Variants in C5orf15 observed in about 807,000 individuals in gnomAD.
C5orf15 encodes the protein chromosome 5 open reading frame 15.
Under a neutral mutation model 17.8 loss-of-function variants are expected in C5orf15, and 10 were observed. The ratio of observed to expected loss-of-function variants is 0.56; its 90% CI spans 0.35 to 0.95. C5orf15 has a LOEUF of 0.95. Ranked by LOEUF, C5orf15 falls within the 40% of genes least tolerant of loss-of-function variation. The pLI is 0.02. For missense variants in C5orf15, 319 were observed against 331.7 expected, an observed-to-expected ratio of 0.96 and a Z score of 0.30; for synonymous variants, 124 against 131.0, an observed-to-expected ratio of 0.95 and a Z score of 0.36.
chr5:133,958,023 A>AAATTT (rs890460023), intron 2 of C5orf15, among the ~76,000 whole-genome samples: 3 of 151,970 alleles, frequency 2.0e-5, no homozygotes, highest in Admixed American at 1.3e-4. Flanking sequence ...AATCCAGCAA[A>AAATTT]CTGGTAACAG....
At chr5:133,967,214 T>C (rs901308411) in intron 1 of C5orf15, among the ~76,000 whole-genome samples, 81 of 152,328 alleles carry the variant, frequency 5.3e-4, no homozygotes, top group Middle Eastern at 3.4e-3. Context: ...ATTTCACTAA[T>C]GATAAAAGGG....
At chr5:133,961,323 A>C (rs2126877338) in intron 1 of C5orf15, among the ~76,000 whole-genome samples, 1 of 150,772 alleles carries the variant, frequency 6.6e-6, no homozygotes, top group South Asian at 2.1e-4. Flanking sequence ...AGGCAGGCTG[A>C]ACATGAGGTC....
At chr5:133,964,164 C>T (rs1431176959) in intron 1 of C5orf15, among the ~76,000 whole-genome samples, 3 of 152,068 alleles carry the variant, frequency 2.0e-5, no homozygotes, top group African/African-American at 4.8e-5. Flanking sequence ...TTGCAGTGAG[C>T]CGAGATCGTG....
In C5orf15 at chr5:133,968,609, C is replaced by A. The variant is rs1439085996; in HGVS notation, c.-25G>T. On this transcript the variant is annotated 5_prime_UTR_variant, in exon 1 of 3. Coordinates refer to ENST00000231512, the MANE Select transcript of C5orf15 (RefSeq NM_020199.3). ...TAACGGACTCGGCTGGGAGCCTGCG[C>A]TGTTGCTAGGCTCTACGCCATGAGG... is the stretch of plus-strand genomic sequence containing the variant. 1.3e-6 allele frequency: 2 copies of A among 1,592,056 alleles called. No homozygotes were observed. Among genetic ancestry groups the A allele is most frequent in the Non-Finnish European group, 1.7e-6 (2 of 1,169,880 alleles).
chr5:133,967,329 C>A (rs1752210478), intron 1 of C5orf15: 1 of 152,166 alleles, frequency 6.6e-6, no homozygotes, highest in Admixed American at 6.5e-5. Flanking sequence ...AAGTATGTAC[C>A]CACAGTACTG....
chr5:133,956,968 C>T lies in C5orf15; in HGVS notation c.689G>A (p.Arg230Lys). 6.2e-7 allele frequency: 1 copy of T among 1,610,074 alleles called. No individual in the cohort carries two copies. Among genetic ancestry groups the T allele is most frequent in the Non-Finnish European group, 8.5e-7 (1 of 1,178,932 alleles). ...GGAACAAAGGCCATCACGCCATTTC[C>T]TGCTTTGAACCAGAAGAAAAATCTG... ...KRKIFLLVQSRKWRDGLCSKT... is the reference protein window; with the variant it reads ...KRKIFLLVQSKKWRDGLCSKT... Residue 230 changes from arginine to lysine, a missense_variant, in exon 3 of 3, where the codon AGG (arginine) becomes AAG (lysine). Arg to Lys is a conservative substitution (Grantham distance 26). Coordinates refer to ENST00000231512, the MANE Select transcript of C5orf15 (RefSeq NM_020199.3).
intron 1 of C5orf15, among the ~76,000 whole-genome samples, chr5:133,966,935 T>C (rs1752200834): frequency 6.6e-6 from 1 of 152,204 alleles, no homozygotes; most frequent in African/African-American, 2.4e-5. Context: ...AAAATATTTA[T>C]AGGGCTCTAA....
In C5orf15 at chr5:133,968,523, G is replaced by C. The variant is rs1752229802; in HGVS notation, c.62C>G (p.Ser21Trp). 6.2e-7 allele frequency: 1 copy of C among 1,607,912 alleles called. No individual in the cohort carries two copies. The highest frequency in any genetic ancestry group is 2.2e-5 in the East Asian group (1 of 44,718). The part of the protein sequence containing the change: ...GPAQAKLLPG[S>W]AIQALVGLAR... ...CAACCCCACAAGGGCTTGGATGGCC[G>C]ACCCGGGCAGCAGTTTCGCTTGTGC... Residue 21 changes from serine (S) to tryptophan (W), a missense_variant, in exon 1 of 3, where the codon TCG (serine) becomes TGG (tryptophan). Coordinates refer to ENST00000231512, the MANE Select transcript of C5orf15 (RefSeq NM_020199.3).
At chr5:133,968,162 A>C (rs1447303531) in intron 1 of C5orf15, among the ~76,000 whole-genome samples, 5 of 148,928 alleles carry the variant, frequency 3.4e-5, no homozygotes, top group Non-Finnish European at 7.5e-5. Flanking sequence ...CTAGGCGCTA[A>C]CACCACTCCT....
intron 1 of C5orf15, 80 bp from the exon 2 acceptor site, chr5:133,960,100 C>T (rs1322864965): frequency 1.6e-6 from 2 of 1,240,174 alleles, no homozygotes; most frequent in Non-Finnish European, 1.1e-6. Flanking sequence ...CCAAATTTTA[C>T]ACTAAGCATT....
In C5orf15 at chr5:133,959,780, T is replaced by C. The variant is rs538965604; in HGVS notation, c.380A>G (p.Glu127Gly). ...DNNEDPSIEE[E>G]DLLMLNSSPS... ...AGAACTGTTCAGCATGAGAAGATCC[T>C]CCTCCTCTATACTAGGATCTTCATT... Residue 127 changes from glutamate to glycine, a missense_variant, in exon 2 of 3, where the codon GAG (glutamate) becomes GGG (glycine). Around this residue, in one of 3 missense-constraint regions of C5orf15, gnomAD observed 175 missense variants for 192.4 expected, o/e 0.91. Transcript: ENST00000231512. 2.1e-5 allele frequency: 34 copies of C among 1,614,130 alleles called. No individual in the cohort carries two copies. The South Asian group carries it at 3.4e-4, about 16-fold the overall frequency.
At chr5:133,966,963 T>C (rs908441504) in intron 1 of C5orf15, among the ~76,000 whole-genome samples, 1 of 152,226 alleles carries the variant, frequency 6.6e-6, no homozygotes, top group African/African-American at 2.4e-5. Context: ...AAGCAGAGAC[T>C]AAAGGACACT....
At position 133,968,574 on chromosome 5, in the gene C5orf15, G is replaced by A. The variant is rs1752231650; in HGVS notation, c.11C>T (p.Ala4Val). 2 of 1,608,864 alleles carry A rather than the reference G, an allele frequency of 1.2e-6. No homozygotes were observed. Among genetic ancestry groups the A allele is most frequent in the Admixed American group, 1.7e-5 (1 of 59,582 alleles). The change falls in exon 1 of 3, where the codon GCC becomes GTC. Residue 4 changes from alanine to valine, a missense_variant. Ala to Val is a moderately conservative substitution (Grantham distance 64, BLOSUM62 0). This residue lies in a region of C5orf15 where 127 missense variants were observed against 95.6 expected (regional missense o/e 1.33). Coordinates refer to ENST00000231512, the MANE Select transcript of C5orf15 (RefSeq NM_020199.3). MAA[A>V]VPKRMRGPAQ... ...TGGCCCCCTCATCCTCTTCGGGACG[G>A]CAGCGGCCATAACGGACTCGGCTGG...
chr5:133,958,575 T>TAA (rs1752070171), intron 2 of C5orf15, among the ~76,000 whole-genome samples: 1 of 18,250 alleles, frequency 5.5e-5, no homozygotes. Context: ...AAGCTCTGTC[T>TAA]CAAAAAAAAA....
In C5orf15 at chr5:133,959,526, C is replaced by G. The variant is rs1218612045; in HGVS notation, c.634G>C (p.Val212Leu). The G allele has an allele frequency of 6.4e-7, 1 of 1,562,436 alleles. No individual in the cohort carries two copies. The highest frequency in any genetic ancestry group is 1.2e-5 in the South Asian group (1 of 84,216). The change falls in exon 2 of 3, where the codon GTT (valine) becomes CTT (leucine). Residue 212 changes from valine to leucine, a missense_variant. Physicochemically the swap from Val to Leu is conservative, Grantham distance 32. Around this residue, in one of 3 missense-constraint regions of C5orf15, gnomAD observed 175 missense variants for 192.4 expected, o/e 0.91. Transcript: ENST00000231512. ...TTGTTGTGATATGTAATGTAAACAA[C>G]AGCAATGCAAAAAGCAAAAATAATA... ...HLIIFAFCIA[V>L]VYITYHNKRK... is the part of the protein sequence containing the mutation.
At chr5:133,968,397 G>C in intron 1 of C5orf15, 49 bp downstream of exon 1, 1 of 1,581,346 alleles carries the variant, frequency 6.3e-7, no homozygotes, top group Non-Finnish European at 8.6e-7. Context: ...CCTGCCCTGC[G>C]CCCGAGCCCT....
Position 133,956,494 on chromosome 5 carries a change from G to T in C5orf15, c.*365C>A. 6.3e-6 allele frequency: 1 copy of T among 157,952 alleles called. No homozygotes were observed. The allele number at this position is 157,952 out of a possible 1,614,324, so 9.8% of individuals were successfully genotyped here. ...TGTGGATAAAAAATAGTATTTGAAT[G>T]GCGGAGAATGAATGTGAGTCAGCAG... is the stretch of plus-strand genomic sequence containing the variant. On this transcript the variant is annotated 3_prime_UTR_variant, in exon 3 of 3. Transcript: ENST00000231512.
At chr5:133,958,335 G>C (rs1425028324) in intron 2 of C5orf15, among the ~76,000 whole-genome samples, 2 of 152,058 alleles carry the variant, frequency 1.3e-5, no homozygotes, top group South Asian at 4.1e-4. Context: ...CCAGCGTTTT[G>C]GGAGGCTGAA....
chr5:133,962,140 G>A (rs1752133201), intron 1 of C5orf15, among the ~76,000 whole-genome samples: 1 of 152,006 alleles, frequency 6.6e-6, no homozygotes, highest in Admixed American at 6.5e-5. Flanking sequence ...GAAATAAGTG[G>A]GAGCCAACTA....
Sources: gnomAD v4.1 joint callset for allele counts (sites outside exome capture counted in the v4.1 genomes callset) on GRCh38, gnomAD v4.1.1 for gene constraint, gnomAD v4.1.1 regional missense constraint, MANE v1.5 for transcripts, NCBI Gene and HGNC (gene_info 2026-07-23, HGNC 2026-07-21) for gene names.